Variants in WASL observed in about 807,000 individuals in gnomAD.
WASL encodes WASP like actin nucleation promoting factor, also known as actin nucleation-promoting factor WASL.
Under a neutral mutation model 55.5 loss-of-function variants are expected in WASL, and 20 were observed. The ratio of observed to expected loss-of-function variants is 0.36; its 90% CI spans 0.25 to 0.52. The LOEUF (loss-of-function observed/expected upper bound fraction) is 0.52, where lower values mean the gene tolerates loss of function less well. WASL is among the 20% of genes least tolerant of loss of function. The pLI is 0.92. For synonymous variants in WASL, 249 were observed against 217.6 expected, an observed-to-expected ratio of 1.14 and a Z score of -1.27; for missense variants, 504 against 622.5, an observed-to-expected ratio of 0.81 and a Z score of 2.03.
At position 123,729,418 on chromosome 7, in the gene WASL, CTA is replaced by C. The variant is rs546944272; in HGVS notation, c.117+19198_117+19199del. Among the ~76,000 whole-genome samples, 375 of 152,228 alleles carry C rather than the reference CTA, an allele frequency of 2.5e-3. 3 individuals are homozygous for C. The highest frequency in any genetic ancestry group is 8.4e-3 in the African/African-American group (348 of 41,524). On this transcript the variant is annotated intron_variant, in intron 1 of 10. Coordinates refer to ENST00000223023, the MANE Select transcript of WASL (RefSeq NM_003941.4). The stretch of plus-strand genomic sequence containing the variant: ...AGGACTAAGTCTTTAATAATCAGCA[CTA>C]TATTTTTAATGAGTAAGACACAGTA...
At position 123,746,556 on chromosome 7, in the gene WASL, G is replaced by A. The variant is rs368774122; in HGVS notation, c.117+2062C>T. 2.7e-4 allele frequency among the ~76,000 whole-genome samples: 41 copies of A among 152,240 alleles called. No individual in the cohort carries two copies. The South Asian group carries it at 3.5e-3, about 13-fold the overall frequency. Reference sequence around the variant, plus strand: ...CTTACTTCACTCTCTATTAACTAGGGACTTCAAATATTGAAATTAGTATTT... The same window carrying A: ...CTTACTTCACTCTCTATTAACTAGGAACTTCAAATATTGAAATTAGTATTT... On this transcript the variant is annotated intron_variant, in intron 1 of 10. Transcript: ENST00000223023.
At position 123,748,727 on chromosome 7, in the gene WASL, G is replaced by A. The variant is rs761816109; in HGVS notation, c.8C>T (p.Ser3Phe). The change falls in exon 1 of 11, where the codon TCC (serine) becomes TTC (phenylalanine). Residue 3 changes from serine (S) to phenylalanine (F), a missense_variant. Around this residue, in one of 5 missense-constraint regions of WASL, gnomAD observed 230 missense variants for 271.9 expected, o/e 0.85. Transcript: ENST00000223023. ...CGGCGGCGGCGGCTGCTGCTGGACG[G>A]AGCTCATGGTTTCGCCGGCGGGGTT... MS[S>F]VQQQPPPPRR... 5 of 1,588,212 alleles carry A rather than the reference G, an allele frequency of 3.1e-6. No homozygotes were observed. The highest frequency in any genetic ancestry group is 3.4e-6 in the Non-Finnish European group (4 of 1,168,846).
At chr7:123,730,643 A>T (rs1234604843) in intron 1 of WASL, among the ~76,000 whole-genome samples, 1 of 152,172 alleles carries the variant, frequency 6.6e-6, no homozygotes, top group Non-Finnish European at 1.5e-5. Flanking sequence ...AAAAGAAAAG[A>T]CTAAGGACAA....
Position 123,706,329 on chromosome 7 carries a change from T to G in WASL, c.384A>C (p.Lys128Asn). 2.5e-6 allele frequency: 4 copies of G among 1,613,756 alleles called. No homozygotes were observed. Among genetic ancestry groups the G allele is most frequent in the Non-Finnish European group, 3.4e-6 (4 of 1,179,818 alleles). The change falls in exon 4 of 11, where the codon AAA becomes AAC. Residue 128 changes from lysine (K) to asparagine (N), a missense_variant. Lys to Asn is a moderately conservative substitution (Grantham distance 94). This residue lies in a region of WASL where 230 missense variants were observed against 271.9 expected (regional missense o/e 0.85). Coordinates refer to ENST00000223023, the MANE Select transcript of WASL (RefSeq NM_003941.4). ...ALNFANEEEA[K>N]KFRKAVTDLL... ...GGTCTGTAACTGCTTTTCGAAATTTTTTTGCTTCTTCTTCATTGGCAAAAT... is the reference window on the plus strand; with the variant it reads ...GGTCTGTAACTGCTTTTCGAAATTTGTTTGCTTCTTCTTCATTGGCAAAAT...
At chr7:123,745,210 C>T (rs1274356213) in intron 1 of WASL, among the ~76,000 whole-genome samples, 1 of 152,014 alleles carries the variant, frequency 6.6e-6, no homozygotes, top group Non-Finnish European at 1.5e-5. Context: ...TCTTGAATTC[C>T]CAAAGTACTC....
chr7:123,711,248 G>A (rs1481456308), intron 1 of WASL, among the ~76,000 whole-genome samples: 2 of 151,896 alleles, frequency 1.3e-5, no homozygotes, highest in African/African-American at 2.4e-5. Flanking sequence ...AAAACATCAT[G>A]TGGCTATATA....
chr7:123,740,572 T>C (rs1804322810), intron 1 of WASL, among the ~76,000 whole-genome samples: 1 of 152,154 alleles, frequency 6.6e-6, no homozygotes, highest in Non-Finnish European at 1.5e-5. Context: ...AACATCATTT[T>C]GTTCAATGTC....
intron 1 of WASL, among the ~76,000 whole-genome samples, chr7:123,724,693 G>A (rs12537287): frequency 0.43 from 65,727 of 151,940 alleles, 14,766 homozygotes; most frequent in South Asian, 0.66. Context: ...GATTACTGCT[G>A]TGCTATCAAA....
chr7:123,687,862 C>T (rs375686913), intron 10 of WASL, among the ~76,000 whole-genome samples: 155 of 152,066 alleles, frequency 1.0e-3, no homozygotes, highest in African/African-American at 3.6e-3. Flanking sequence ...ACAAACATTG[C>T]TCAAGGATCT....
chr7:123,727,139 C>T (rs1441055466), intron 1 of WASL, among the ~76,000 whole-genome samples: 1 of 152,088 alleles, frequency 6.6e-6, no homozygotes, highest in African/African-American at 2.4e-5. Context: ...GATGCCATTT[C>T]ATATCCACCA....
chr7:123,686,302 C>T lies in WASL; in HGVS notation c.1457-1722G>A, dbSNP rs534408272. On this transcript the variant is annotated intron_variant, in intron 10 of 10. Coordinates refer to ENST00000223023, the MANE Select transcript of WASL (RefSeq NM_003941.4). ...TGAGTCATGTTAATTTCTGTTTACT[C>T]TTCTAGCAAGGGAAATAATTTGCTA... Among the ~76,000 whole-genome samples, 38 of 152,030 alleles carry T rather than the reference C, an allele frequency of 2.5e-4. No homozygotes were observed. The South Asian group carries it at 7.3e-3, about 29-fold the overall frequency.
intron 1 of WASL, among the ~76,000 whole-genome samples, chr7:123,747,177 G>C (rs1459267096): frequency 1.3e-5 from 2 of 152,152 alleles, no homozygotes; most frequent in African/African-American, 2.4e-5. Context: ...GATAGGACTA[G>C]GTGTGAGGAG....
intron 1 of WASL, among the ~76,000 whole-genome samples, chr7:123,724,880 C>T (rs1270723136): frequency 1.3e-5 from 2 of 152,074 alleles, no homozygotes; most frequent in Non-Finnish European, 2.9e-5. Flanking sequence ...TTAAATGCCA[C>T]AACAATTTGC....
At chr7:123,726,511 A>C (rs1242775289) in intron 1 of WASL, among the ~76,000 whole-genome samples, 2 of 151,720 alleles carry the variant, frequency 1.3e-5, no homozygotes, top group African/African-American at 2.4e-5. Context: ...AGGTTAAAGA[A>C]AAAAAAAAGA....
At chr7:123,700,698 A>G (rs1026730589) in intron 5 of WASL, among the ~76,000 whole-genome samples, 1 of 152,186 alleles carries the variant, frequency 6.6e-6, no homozygotes, top group African/African-American at 2.4e-5. Context: ...TCGGCCTCCC[A>G]AAGTGTTGGG....
In WASL at chr7:123,682,691, TATA is replaced by T. The variant is rs1000551414; in HGVS notation, c.*1825_*1827del. 1.3e-4 allele frequency: 20 copies of T among 152,228 alleles called. No homozygotes were observed. Among genetic ancestry groups the T allele is most frequent in the African/African-American group, 4.3e-4 (18 of 41,564 alleles). 9.4% of individuals were successfully genotyped at this position (152,228 alleles called of 1,614,324 possible). On this transcript the variant is annotated 3_prime_UTR_variant, in exon 11 of 11. Coordinates refer to ENST00000223023, the MANE Select transcript of WASL (RefSeq NM_003941.4). ...TTCAATTAACATTACTTAAAATAAT[TATA>T]ATGTTCCATTTAACTTTTGTACAAA...
chr7:123,708,359 C>T (rs1303901231), intron 2 of WASL, among the ~76,000 whole-genome samples: 5 of 151,964 alleles, frequency 3.3e-5, no homozygotes, highest in African/African-American at 1.2e-4. Context: ...ATATTAGCGC[C>T]CAAGAGTTTA....
At chr7:123,738,206 T>C (rs1365690406) in intron 1 of WASL, among the ~76,000 whole-genome samples, 2 of 152,104 alleles carry the variant, frequency 1.3e-5, no homozygotes, top group Non-Finnish European at 2.9e-5. Context: ...TATAAGGCAG[T>C]AATATATTAA....
intron 1 of WASL, among the ~76,000 whole-genome samples, chr7:123,739,904 GTGTGTGTGTGTA>G (rs749646630): frequency 0.097 from 9,387 of 97,240 alleles, 373 homozygotes; most frequent in African/African-American, 0.19. Flanking sequence ...GTGTGTGTGT[GTGTGTGTGTGTA>G]TATATATATA....
Sources: gnomAD v4.1 joint callset for allele counts (sites outside exome capture counted in the v4.1 genomes callset) on GRCh38, gnomAD v4.1.1 for gene constraint, gnomAD v4.1.1 regional missense constraint, MANE v1.5 for transcripts, NCBI Gene and HGNC (gene_info 2026-07-23, HGNC 2026-07-21) for gene names.